EYS: variants seen among roughly 807,000 people sequenced by gnomAD.
The protein encoded by EYS is protein eyes shut homolog.
Under a neutral mutation model 282.1 loss-of-function variants are expected in EYS, and 250 were observed. That is an observed-to-expected ratio of 0.89 (90% CI 0.80 to 0.98). EYS has a LOEUF of 0.98. Among genes scored for constraint, EYS ranks in the 50% least tolerant of loss-of-function variants. The pLI, the probability that EYS is intolerant of heterozygous loss-of-function variation, is 0.00. For synonymous variants in EYS, 1,355 were observed against 1,282.9 expected (o/e 1.06, Z -1.20); for missense variants, 4,016 against 3,709.0 (o/e 1.08, Z -2.15).
intron 10 of EYS, 125 bp downstream of exon 10, chr6:65,343,913 A>T (rs1770292841): frequency 1.2e-6 from 1 of 804,996 alleles, no homozygotes; most frequent in East Asian, 2.6e-5. Context: ...GTTATATTTA[A>T]ACTATGCAAA....
intron 31 of EYS, among the ~76,000 whole-genome samples, chr6:64,093,045 T>C (rs1308444947): frequency 6.6e-6 from 1 of 152,168 alleles, no homozygotes; most frequent in Non-Finnish European, 1.5e-5. Context: ...CTCAGATTTG[T>C]CAAATATCAG....
intron 1 of EYS, among the ~76,000 whole-genome samples, chr6:65,666,017 A>T (rs1261702132): frequency 6.6e-6 from 1 of 151,810 alleles, no homozygotes; most frequent in Non-Finnish European, 1.5e-5. Context: ...AGTACATAGA[A>T]CTTACCATCT....
At position 65,133,437 on chromosome 6, in the gene EYS, A is replaced by G. The variant is rs192842674; in HGVS notation, c.2024-75710T>C. 1.4e-3 allele frequency among the ~76,000 whole-genome samples: 217 copies of G among 152,190 alleles called. 3 individuals carry two copies. Among genetic ancestry groups the G allele is most frequent in the African/African-American group, 4.6e-3 (193 of 41,562 alleles). On this transcript the variant is annotated intron_variant, in intron 12 of 42. Transcript: ENST00000503581. The stretch of plus-strand genomic sequence containing the variant: ...TAGTACAGAAACAGATACATAGTCC[A>G]ATGGAAAAGACTAGGGAGCTCATCA...
intron 12 of EYS, among the ~76,000 whole-genome samples, chr6:65,122,835 A>G (rs1401918795): frequency 6.6e-6 from 1 of 152,120 alleles, no homozygotes; most frequent in African/African-American, 2.4e-5. Context: ...ACCTTGTTTG[A>G]AAATTTAACA....
chr6:64,031,942 A>T (rs1769866641), intron 33 of EYS, among the ~76,000 whole-genome samples: 1 of 152,062 alleles, frequency 6.6e-6, no homozygotes, highest in Non-Finnish European at 1.5e-5. Flanking sequence ...CCCCTTCCAC[A>T]CTGTGGAAGC....
intron 26 of EYS, among the ~76,000 whole-genome samples, chr6:64,480,220 T>C (rs1489233818): frequency 1.3e-5 from 2 of 151,920 alleles, no homozygotes; most frequent in Non-Finnish European, 2.9e-5. Flanking sequence ...AAGCTGGAAA[T>C]TTTATTTCTT....
intron 22 of EYS, among the ~76,000 whole-genome samples, chr6:64,729,478 T>C (rs1380986765): frequency 6.6e-6 from 1 of 152,198 alleles, no homozygotes; most frequent in African/African-American, 2.4e-5. Context: ...TTGATCTTTT[T>C]TTCATAAAAA....
intron 2 of EYS, among the ~76,000 whole-genome samples, chr6:65,614,931 C>T (rs1582520721): frequency 6.6e-6 from 1 of 152,080 alleles, no homozygotes; most frequent in Non-Finnish European, 1.5e-5. Context: ...CATGTATACA[C>T]ACTACAAAGG....
At chr6:64,195,498 T>G (rs1302944060) in intron 31 of EYS, among the ~76,000 whole-genome samples, 4 of 152,148 alleles carry the variant, frequency 2.6e-5, no homozygotes, top group African/African-American at 9.7e-5. Flanking sequence ...AGACGGGGTT[T>G]CACCATATTG....
At chr6:64,710,191 A>G (rs1771159599) in intron 22 of EYS, among the ~76,000 whole-genome samples, 1 of 152,228 alleles carries the variant, frequency 6.6e-6, no homozygotes, top group South Asian at 2.1e-4. Flanking sequence ...TAATTTGTCT[A>G]AGGTTAGACA....
chr6:65,199,241 T>G (rs980136038), intron 12 of EYS, among the ~76,000 whole-genome samples: 2 of 152,130 alleles, frequency 1.3e-5, no homozygotes, highest in Non-Finnish European at 2.9e-5. Context: ...TGTGTAACCA[T>G]GGACTTGGAT....
intron 12 of EYS, among the ~76,000 whole-genome samples, chr6:65,231,139 ATACT>A (rs1562038006): frequency 1.5e-4 from 8 of 54,412 alleles, no homozygotes; most frequent in Non-Finnish European, 2.6e-4. Flanking sequence ...TTTTATATAT[ATACT>A]TTTATATATA....
chr6:64,416,860 A>C (rs566065338), intron 28 of EYS, among the ~76,000 whole-genome samples: 1 of 152,286 alleles, frequency 6.6e-6, no homozygotes, highest in East Asian at 1.9e-4. Flanking sequence ...ACCTAATAAT[A>C]ATCTTATTAG....
intron 30 of EYS, among the ~76,000 whole-genome samples, chr6:64,290,837 A>T (rs1464608602): frequency 6.8e-6 from 1 of 147,638 alleles, no homozygotes; most frequent in African/African-American, 2.5e-5. Context: ...AACTTTTTCC[A>T]TAAAGAGCCA....
At chr6:64,544,639 A>G (rs1764793442) in intron 26 of EYS, among the ~76,000 whole-genome samples, 1 of 152,216 alleles carries the variant, frequency 6.6e-6, no homozygotes, top group Non-Finnish European at 1.5e-5. Flanking sequence ...CTAATAAAGA[A>G]GAAAAGAGAG....
intron 14 of EYS, among the ~76,000 whole-genome samples, chr6:64,957,678 T>G (rs1769757471): frequency 6.6e-6 from 1 of 152,208 alleles, no homozygotes; most frequent in Non-Finnish European, 1.5e-5. Flanking sequence ...TATTTCACAT[T>G]GCATGCCTGT....
chr6:65,628,907 G>A (rs914149607), intron 2 of EYS, among the ~76,000 whole-genome samples: 4 of 152,212 alleles, frequency 2.6e-5, no homozygotes, highest in African/African-American at 7.2e-5. Flanking sequence ...ATAATTCAAT[G>A]GTTTTCATGC....
chr6:64,414,253 G>T (rs1038841055), intron 28 of EYS, among the ~76,000 whole-genome samples: 1 of 152,102 alleles, frequency 6.6e-6, no homozygotes, highest in Admixed American at 6.6e-5. Flanking sequence ...AAAGTTATTA[G>T]ATATTTCATA....
chr6:64,709,073 T>G (rs979016160), intron 22 of EYS, among the ~76,000 whole-genome samples: 1 of 151,964 alleles, frequency 6.6e-6, no homozygotes, highest in Non-Finnish European at 1.5e-5. Flanking sequence ...CTATGTGCAA[T>G]GGAAAATACA....
Sources: gnomAD v4.1 joint callset for allele counts (sites outside exome capture counted in the v4.1 genomes callset) on GRCh38, gnomAD v4.1.1 for gene constraint, MANE v1.5 for transcripts, NCBI Gene and HGNC (gene_info 2026-07-23, HGNC 2026-07-21) for gene names.